TXNRD1: variants seen among roughly 807,000 people sequenced by gnomAD.
TXNRD1 encodes thioredoxin reductase 1, cytoplasmic.
Under a neutral mutation model 80.3 loss-of-function variants are expected in TXNRD1, and 57 were observed. The ratio of observed to expected loss-of-function variants is 0.71; its 90% CI spans 0.57 to 0.89. The LOEUF (loss-of-function observed/expected upper bound fraction) is 0.89. TXNRD1 is among the 40% of genes least tolerant of loss of function. The pLI, the probability that TXNRD1 is intolerant of heterozygous loss-of-function variation, is 0.00. For missense variants in TXNRD1, 730 were observed against 803.0 expected, an observed-to-expected ratio of 0.91 and a Z score of 1.10; for synonymous variants, 291 against 285.2, an observed-to-expected ratio of 1.02 and a Z score of -0.20.
intron 5 of TXNRD1, among the ~76,000 whole-genome samples, chr12:104,312,152 A>C (rs1480755088): frequency 3.3e-5 from 5 of 152,116 alleles, no homozygotes; most frequent in Non-Finnish European, 7.4e-5. Context: ...CCTTCTCTCC[A>C]ATATAAAAAA....
chr12:104,314,644 AG>A (rs1368679314), intron 6 of TXNRD1, among the ~76,000 whole-genome samples: 1 of 151,928 alleles, frequency 6.6e-6, no homozygotes, highest in African/African-American at 2.4e-5. Context: ...ACCTATTTTT[AG>A]GGAGCAAGGG....
chr12:104,264,204 A>G (rs538714488), intron 3 of TXNRD1, among the ~76,000 whole-genome samples: 2 of 152,318 alleles, frequency 1.3e-5, no homozygotes, highest in African/African-American at 4.8e-5. Context: ...AGATCATTTT[A>G]CTTGTTTGCC....
At chr12:104,251,749 A>C in intron 2 of TXNRD1, 71 bp downstream of exon 2, 1 of 1,552,480 alleles carries the variant, frequency 6.4e-7, no homozygotes, top group Non-Finnish European at 8.8e-7. Flanking sequence ...TCAAATGTAA[A>C]CAACTGGATT....
chr12:104,327,307 T>C (rs1417214116), intron 12 of TXNRD1, among the ~76,000 whole-genome samples: 1 of 152,214 alleles, frequency 6.6e-6, no homozygotes, highest in Non-Finnish European at 1.5e-5. Context: ...AGTTTTCTTA[T>C]TTCTTTGATT....
intron 16 of TXNRD1, among the ~76,000 whole-genome samples, chr12:104,347,921 G>A (rs1240433537): frequency 6.6e-6 from 1 of 152,126 alleles, no homozygotes; most frequent in Non-Finnish European, 1.5e-5. Context: ...AGAAATGCAG[G>A]AAGAAATGCC....
At chr12:104,237,030 C>T (rs547933672) in intron 1 of TXNRD1, among the ~76,000 whole-genome samples, 3 of 144,274 alleles carry the variant, frequency 2.1e-5, no homozygotes, top group South Asian at 2.5e-4. Flanking sequence ...TCACAGACTC[C>T]GTTCTGGGGG....
chr12:104,230,118 G>A (rs958173282), intron 1 of TXNRD1, among the ~76,000 whole-genome samples: 1 of 151,754 alleles, frequency 6.6e-6, no homozygotes, highest in Admixed American at 6.6e-5. Context: ...CACCCAGGCT[G>A]GAGTGCAGTG....
At chr12:104,249,556 C>T (rs1443909540) in intron 1 of TXNRD1, among the ~76,000 whole-genome samples, 1 of 152,074 alleles carries the variant, frequency 6.6e-6, no homozygotes, top group Admixed American at 6.6e-5. Flanking sequence ...TTAAAAATTT[C>T]TTAAATTAAC....
intron 4 of TXNRD1, among the ~76,000 whole-genome samples, chr12:104,311,033 T>C (rs529626730): frequency 1.3e-4 from 20 of 152,354 alleles, no homozygotes; most frequent in Non-Finnish European, 2.2e-4. Context: ...CTAAGTTGGT[T>C]TACTTATGTA....
rs542710576 is a variant in TXNRD1, at chr12:104,303,961, C to T, written c.415-7329C>T. On this transcript the variant is annotated intron_variant, in intron 4 of 16. Coordinates refer to ENST00000525566, the MANE Select transcript of TXNRD1 (RefSeq NM_001093771.3). ...TGAAGATGGATGTGTCAGTGAGGGC[C>T]GCGGGCTGCTCCGACGACCTCAGCT... 11 of 1,602,312 alleles carry T rather than the reference C, an allele frequency of 6.9e-6. No homozygotes were observed. The East Asian group carries it at 8.9e-5, about 13-fold the overall frequency.
intron 3 of TXNRD1, among the ~76,000 whole-genome samples, chr12:104,259,122 T>C (rs1009099505): frequency 1.3e-5 from 2 of 152,128 alleles, no homozygotes; most frequent in Non-Finnish European, 2.9e-5. Context: ...CTCGCTTCTG[T>C]AGTCCCAGCA....
intron 16 of TXNRD1, chr12:104,346,003 C>T (rs2036478155): frequency 7.8e-7 from 1 of 1,287,798 alleles, no homozygotes; most frequent in Non-Finnish European, 1.0e-6. Context: ...TGAAATCTGT[C>T]AATTGACCCA....
At chr12:104,271,822 A>G (rs1167833638) in intron 3 of TXNRD1, among the ~76,000 whole-genome samples, 1 of 151,928 alleles carries the variant, frequency 6.6e-6, no homozygotes, top group Non-Finnish European at 1.5e-5. Flanking sequence ...GTAAGCCAAG[A>G]TCACATCAAT....
At chr12:104,331,374 TGTA>T (rs1484704039) in intron 13 of TXNRD1, among the ~76,000 whole-genome samples, 157 bp from the exon 14 acceptor site, 2 of 152,226 alleles carry the variant, frequency 1.3e-5, no homozygotes, top group Non-Finnish European at 2.9e-5. Context: ...TGGTTCTCAA[TGTA>T]GTAGATTAAT....
chr12:104,255,043 G>T (rs78663295), intron 2 of TXNRD1, among the ~76,000 whole-genome samples: 5,362 of 152,074 alleles, frequency 0.035, 255 homozygotes, highest in African/African-American at 0.11. Context: ...GAAGCTGAGG[G>T]GGCAGTGAGC....
At chr12:104,271,608 C>A (rs932121728) in intron 3 of TXNRD1, among the ~76,000 whole-genome samples, 2 of 151,992 alleles carry the variant, frequency 1.3e-5, no homozygotes, top group Admixed American at 6.6e-5. Flanking sequence ...TCTTAAGGGT[C>A]AGGGAGATTA....
At chr12:104,304,937 A>T (rs1257188072) in intron 4 of TXNRD1, 1 of 1,579,616 alleles carries the variant, frequency 6.3e-7, no homozygotes, top group African/African-American at 1.4e-5. Flanking sequence ...CTCATACTAA[A>T]GATTTCTTAG....
rs975821721 is a variant in TXNRD1, at chr12:104,324,866, A to G, written c.1216-471A>G. Among the ~76,000 whole-genome samples the G allele has an allele frequency of 7.2e-5, 11 of 152,302 alleles. No homozygotes were observed. In the East Asian group the frequency reaches 2.1e-3, roughly 29 times the overall value. ...TTTTAAGACTTTGTAACTGTTACCC[A>G]TATCACTATGGACCTGCTGTAATGT... On this transcript the variant is annotated intron_variant, in intron 10 of 16. Transcript: ENST00000525566.
At chr12:104,340,261 C>G (rs906961926) in intron 16 of TXNRD1, among the ~76,000 whole-genome samples, 1 of 151,978 alleles carries the variant, frequency 6.6e-6, no homozygotes, top group African/African-American at 2.4e-5. Context: ...AATTAAGCTT[C>G]AAAAAAATAT....
Sources: allele counts gnomAD v4.1 joint callset (sites outside exome capture counted in the v4.1 genomes callset), GRCh38; gene constraint gnomAD v4.1.1; transcripts MANE v1.5; gene names NCBI Gene and HGNC (gene_info 2026-07-23, HGNC 2026-07-21).